Variants in GUCY1A2 observed in about 807,000 individuals in gnomAD.
The protein encoded by GUCY1A2 is guanylate cyclase soluble subunit alpha-2.
A neutral mutation model predicts 63.5 loss-of-function variants in GUCY1A2; 27 were observed. That is an observed-to-expected ratio of 0.43 (90% CI 0.31 to 0.59). GUCY1A2 has a LOEUF of 0.59. Ranked by LOEUF, GUCY1A2 falls within the 20% of genes least tolerant of loss-of-function variation. The probability of loss-of-function intolerance (pLI) is 0.11; values close to 1 mark genes in which losing one functional copy is unlikely to be tolerated. For missense variants in GUCY1A2, 768 were observed against 913.3 expected, an observed-to-expected ratio of 0.84 and a Z score of 2.05; for synonymous variants, 364 against 343.5, an observed-to-expected ratio of 1.06 and a Z score of -0.66.
intron 2 of GUCY1A2, among the ~76,000 whole-genome samples, chr11:106,979,454 C>CA (rs368315276): frequency 0.16 from 9,554 of 58,754 alleles, 735 homozygotes; most frequent in Non-Finnish European, 0.24. Flanking sequence ...GACTCCGTCT[C>CA]AAAAAAAAAA....
chr11:106,856,625 T>C (rs1356494865), intron 4 of GUCY1A2, among the ~76,000 whole-genome samples: 1 of 152,210 alleles, frequency 6.6e-6, no homozygotes, highest in East Asian at 1.9e-4. Flanking sequence ...GAATATAATA[T>C]AAAAAATTAT....
intron 6 of GUCY1A2, among the ~76,000 whole-genome samples, chr11:106,760,532 A>C (rs1401960845): frequency 6.6e-6 from 1 of 152,182 alleles, no homozygotes; most frequent in Non-Finnish European, 1.5e-5. Flanking sequence ...TTACAACTTG[A>C]TATTTGGACA....
intron 6 of GUCY1A2, among the ~76,000 whole-genome samples, chr11:106,744,071 G>A (rs185586891): frequency 1.4e-4 from 22 of 152,176 alleles, no homozygotes; most frequent in Middle Eastern, 3.4e-3. Flanking sequence ...TATTAAATAA[G>A]GAGTATTCCT....
chr11:106,993,974 A>C (rs979651080), intron 1 of GUCY1A2, among the ~76,000 whole-genome samples: 13 of 152,218 alleles, frequency 8.5e-5, no homozygotes, highest in Non-Finnish European at 1.9e-4. Context: ...GAAAAAATAA[A>C]AAGCTAGAGA....
intron 1 of GUCY1A2, among the ~76,000 whole-genome samples, chr11:107,003,087 A>C (rs537556255): frequency 6.6e-6 from 1 of 152,276 alleles, no homozygotes; most frequent in African/African-American, 2.4e-5. Flanking sequence ...ATGAATTTCC[A>C]ACTCTAATAA....
chr11:106,951,453 A>G (rs1860907599), intron 3 of GUCY1A2, among the ~76,000 whole-genome samples: 1 of 152,176 alleles, frequency 6.6e-6, no homozygotes, highest in Non-Finnish European at 1.5e-5. Flanking sequence ...GTGAGATGGT[A>G]TCTCATTGTG....
intron 4 of GUCY1A2, among the ~76,000 whole-genome samples, chr11:106,927,272 T>G (rs528248387): frequency 6.6e-6 from 1 of 150,872 alleles, no homozygotes; most frequent in African/African-American, 2.4e-5. Context: ...ACTCGGGAGG[T>G]TGAGGCAGGA....
At chr11:106,979,541 A>G (rs1282026456) in intron 2 of GUCY1A2, among the ~76,000 whole-genome samples, 1 of 151,738 alleles carries the variant, frequency 6.6e-6, no homozygotes, top group Non-Finnish European at 1.5e-5. Flanking sequence ...TGGTCTTACC[A>G]TTTTCTATCT....
intron 4 of GUCY1A2, among the ~76,000 whole-genome samples, chr11:106,932,981 A>C (rs1262825349): frequency 6.6e-6 from 1 of 152,178 alleles, no homozygotes; most frequent in East Asian, 1.9e-4. Context: ...GATGGATTAA[A>C]TATTTAAATG....
At chr11:106,795,615 GATTTA>G (rs1037150311) in intron 5 of GUCY1A2, among the ~76,000 whole-genome samples, 15 of 137,372 alleles carry the variant, frequency 1.1e-4, no homozygotes, top group African/African-American at 4.4e-4. Context: ...TGTTTCAACT[GATTTA>G]TCTTTTTCCA....
At chr11:107,012,380 G>A (rs1212741125) in intron 1 of GUCY1A2, among the ~76,000 whole-genome samples, 2 of 151,770 alleles carry the variant, frequency 1.3e-5, no homozygotes, top group Admixed American at 1.3e-4. Flanking sequence ...TCACTTTGAG[G>A]CATTCAAATT....
At chr11:106,757,738 G>C (rs1029737417) in intron 6 of GUCY1A2, among the ~76,000 whole-genome samples, 1 of 152,128 alleles carries the variant, frequency 6.6e-6, no homozygotes, top group Non-Finnish European at 1.5e-5. Context: ...TGTCCCAGAG[G>C]GGCACCCATG....
chr11:106,943,509 G>C (rs998884935), intron 3 of GUCY1A2, among the ~76,000 whole-genome samples: 2 of 152,122 alleles, frequency 1.3e-5, no homozygotes, highest in Non-Finnish European at 2.9e-5. Context: ...AATGAAATAC[G>C]ATCTGTTCCT....
At chr11:106,749,038 G>A (rs759823756) in intron 6 of GUCY1A2, among the ~76,000 whole-genome samples, 5 of 152,028 alleles carry the variant, frequency 3.3e-5, no homozygotes, top group Admixed American at 1.3e-4. Context: ...TTATAATACT[G>A]TATTTTCACT....
At chr11:107,015,511 T>C (rs143595630) in intron 1 of GUCY1A2, among the ~76,000 whole-genome samples, 74 of 130,162 alleles carry the variant, frequency 5.7e-4, no homozygotes, top group Admixed American at 1.1e-3. Flanking sequence ...TAAATTAGCA[T>C]TATCAGAGGC....
chr11:106,973,699 C>T (rs1861225657), intron 3 of GUCY1A2, among the ~76,000 whole-genome samples: 1 of 152,082 alleles, frequency 6.6e-6, no homozygotes, highest in Non-Finnish European at 1.5e-5. Context: ...AATTTAAATT[C>T]TGCCTCTGTG....
chr11:106,867,947 A>C (rs982925521), intron 4 of GUCY1A2, among the ~76,000 whole-genome samples: 1 of 152,144 alleles, frequency 6.6e-6, no homozygotes, highest in Admixed American at 6.6e-5. Flanking sequence ...AATTTATATG[A>C]GAATTGCCTC....
intron 4 of GUCY1A2, among the ~76,000 whole-genome samples, chr11:106,882,274 G>T (rs561916046): frequency 1.3e-5 from 2 of 152,070 alleles, no homozygotes; most frequent in East Asian, 3.9e-4. Context: ...TAGAGATGTG[G>T]AGATTCTAAA....
In GUCY1A2 at chr11:107,018,003, T is replaced by G; in HGVS notation, c.53A>C (p.Tyr18Ser). ...SESFSSLGSD[Y>S]LETSPEEEGE... ...CTCCTCCTCCGGGCTGGTCTCCAGG[T>G]AGTCGGAGCCCAGGGAGCTGAAGGA... The change falls in exon 1 of 8, where the codon TAC becomes TCC. Residue 18 changes from tyrosine (Y) to serine (S), a missense_variant. Transcript: ENST00000526355. 1 of 1,472,470 alleles carries G rather than the reference T, an allele frequency of 6.8e-7. No individual in the cohort carries two copies. The highest frequency in any genetic ancestry group is 9.1e-7 in the Non-Finnish European group (1 of 1,100,964). The allele number at this position is 1,472,470 out of a possible 1,614,324, so 91.2% of individuals were successfully genotyped here. A position where few individuals can be genotyped will look rare whatever the true frequency, so the allele number is the denominator to read the frequency against.
Sources: allele counts gnomAD v4.1 joint callset (sites outside exome capture counted in the v4.1 genomes callset), GRCh38; gene constraint gnomAD v4.1.1; transcripts MANE v1.5; gene names NCBI Gene and HGNC (gene_info 2026-07-23, HGNC 2026-07-21).